TYRO3: variants seen among roughly 807,000 people sequenced by gnomAD.
TYRO3 encodes the protein tyrosine-protein kinase receptor TYRO3.
Under a neutral mutation model 95.2 loss-of-function variants are expected in TYRO3, and 38 were observed. The ratio of observed to expected loss-of-function variants is 0.40; its 90% CI spans 0.31 to 0.52. The LOEUF (loss-of-function observed/expected upper bound fraction) is 0.52, where lower values mean the gene tolerates loss of function less well. TYRO3 is among the 20% of genes least tolerant of loss of function. TYRO3 has a pLI of 0.56. For missense variants in TYRO3, 812 were observed against 1,116.4 expected (o/e 0.73, Z 3.89); for synonymous variants, 367 against 432.9 (o/e 0.85, Z 1.89).
chr15:41,560,900 G>A (rs1477676809), intron 1 of TYRO3, among the ~76,000 whole-genome samples: 1 of 152,230 alleles, frequency 6.6e-6, no homozygotes, highest in East Asian at 1.9e-4. Flanking sequence ...AGGACATGGG[G>A]AAGAGGTCCT....
chr15:41,566,465 A>G (rs1377148722), intron 6 of TYRO3, among the ~76,000 whole-genome samples: 1 of 151,960 alleles, frequency 6.6e-6, no homozygotes, highest in Non-Finnish European at 1.5e-5. Flanking sequence ...GCCACACTAT[A>G]CTATAGCTAT....
Position 41,561,218 on chromosome 15 carries a change from T to C in TYRO3, c.216T>C (p.Pro72=). ...LNCSVEGMEE[P]DIQWVKDGAV... ...GCAGTGTGGAGGGGATGGAGGAGCC[T>C]GACATCCAGTGGGTGAAGGATGGGG... Residue 72 remains proline (P), a synonymous_variant, in exon 2 of 19, where the codon CCT becomes CCC. Transcript: ENST00000263798. 5 of 1,614,188 alleles carry C rather than the reference T, an allele frequency of 3.1e-6. No homozygotes were observed. Among genetic ancestry groups the C allele is most frequent in the Non-Finnish European group, 4.2e-6 (5 of 1,180,022 alleles).
intron 1 of TYRO3, among the ~76,000 whole-genome samples, chr15:41,560,393 A>ATGTGTGTGTGTG (rs369495054): frequency 0.032 from 3,904 of 120,124 alleles, 78 homozygotes; most frequent in Non-Finnish European, 0.037. Flanking sequence ...AGGTGCGTGT[A>ATGTGTGTGTGTG]TGTGTGTGTG....
rs1189171188 is a variant in TYRO3 at position 41,571,666 on chromosome 15, C to A, written c.1732C>A (p.Pro578Thr). 1 of 1,611,632 alleles carries A rather than the reference C, an allele frequency of 6.2e-7. No individual in the cohort carries two copies. The highest frequency in any genetic ancestry group is 2.2e-5 in the East Asian group (1 of 44,820). ...AGCTTGCATGAAGGAGTTTGACCAT[C>A]CACACGTGGCCAAACTTGTTGGTGA... ...EAACMKEFDH[P>T]HVAKLVGVSL... Residue 578 changes from proline to threonine, a missense_variant, in exon 14 of 19, where the codon CCA becomes ACA. Transcript: ENST00000263798.
intron 15 of TYRO3, among the ~76,000 whole-genome samples, chr15:41,572,776 T>C (rs992707702): frequency 3.3e-5 from 5 of 152,172 alleles, no homozygotes; most frequent in African/African-American, 1.2e-4. Flanking sequence ...GCAAGGGCCC[T>C]TTCTAGAGGG....
intron 18 of TYRO3, chr15:41,574,713 G>C: frequency 4.4e-6 from 2 of 455,156 alleles, no homozygotes; most frequent in Non-Finnish European, 8.8e-6. Flanking sequence ...ACAACCTTTT[G>C]TGAGTATTTT....
intron 18 of TYRO3, among the ~76,000 whole-genome samples, chr15:41,576,669 TA>T (rs1296839035): frequency 5.5e-4 from 46 of 83,670 alleles, no homozygotes; most frequent in African/African-American, 1.2e-3. Context: ...TTTTTTTTTT[TA>T]AAAAAAAAAA....
chr15:41,568,837 C>T (rs1296183489), intron 8 of TYRO3, 41 bp from the exon 9 acceptor site: 2 of 1,597,306 alleles, frequency 1.3e-6, no homozygotes, highest in African/African-American at 2.7e-5. Context: ...GAGGCCTTCT[C>T]CCCAGGCTCA....
At chr15:41,570,835 G>A in intron 12 of TYRO3, 136 bp downstream of exon 12, 1 of 943,438 alleles carries the variant, frequency 1.1e-6, no homozygotes, top group Non-Finnish European at 1.7e-6. Context: ...CTGAGTGTGG[G>A]ATGTTTGTGG....
At position 41,561,168 on chromosome 15, in the gene TYRO3, CA is replaced by C; in HGVS notation, c.167del (p.Gln56ArgfsTer5). On this transcript the variant is annotated frameshift_variant, in exon 2 of 19. Coordinates refer to ENST00000263798, the MANE Select transcript of TYRO3 (RefSeq NM_006293.4). LOFTEE classifies it high-confidence loss of function. The part of the protein sequence containing the change: ...MGAPVKLTVS[Q>X]GQPVKLNCSV... ...AGCCCCGGTGAAGCTGACAGTGTCT[CA>C]GGGGCAGCCGGTGAAGCTCAACTGC... is the stretch of plus-strand genomic sequence containing the variant. The C allele has an allele frequency of 6.2e-7, 1 of 1,614,220 alleles. No individual in the cohort carries two copies. The highest frequency in any genetic ancestry group is 2.2e-5 in the East Asian group (1 of 44,890).
Position 41,573,735 on chromosome 15 carries a change from T to C in TYRO3, c.2202T>C (p.Ala734=), listed in dbSNP as rs1242136983. ...EIMTRGQTPY[A]GIENAEIYNY... ...TGACACGTGGGCAGACGCCATATGC[T>C]GGCATCGAAAACGCTGAGATTTACA... Residue 734 remains alanine (A), a synonymous_variant, in exon 18 of 19, where the codon GCT becomes GCC. Transcript: ENST00000263798. 1 of 1,614,268 alleles carries C rather than the reference T, an allele frequency of 6.2e-7. No homozygotes were observed. Among genetic ancestry groups the C allele is most frequent in the Non-Finnish European group, 8.5e-7 (1 of 1,180,052 alleles).
chr15:41,570,441 G>A lies in TYRO3; in HGVS notation c.1483+101G>A, dbSNP rs139310063. On this transcript the variant is annotated intron_variant, in intron 11 of 18. Transcript: ENST00000263798. ...ATTTGACTGATATGTCTGAACATCAGTGAGCCCCAGGCACACAAATCTGCC... is the reference window on the plus strand; with the variant it reads ...ATTTGACTGATATGTCTGAACATCAATGAGCCCCAGGCACACAAATCTGCC... 1.1e-5 allele frequency: 16 copies of A among 1,448,954 alleles called. No homozygotes were observed. The East Asian group carries it at 3.4e-4, about 31-fold the overall frequency. 89.8% of individuals were successfully genotyped at this position (1,448,954 alleles called of 1,614,324 possible).
chr15:41,562,646 A>C lies in TYRO3; in HGVS notation c.508A>C (p.Thr170Pro). 1 of 1,614,092 alleles carries C rather than the reference A, an allele frequency of 6.2e-7. No individual in the cohort carries two copies. Among genetic ancestry groups the C allele is most frequent in the Non-Finnish European group, 8.5e-7 (1 of 1,180,046 alleles). ...GGCTGTGGGTCCCCCTGAACCTGTTACCATTGTCTGGTGGAGAGGAACTAC... is the reference window on the plus strand; with the variant it reads ...GGCTGTGGGTCCCCCTGAACCTGTTCCCATTGTCTGGTGGAGAGGAACTAC... The part of the protein sequence containing the change: ...CEAVGPPEPV[T>P]IVWWRGTTKI... Residue 170 changes from threonine (T) to proline (P), a missense_variant, in exon 4 of 19, where the codon ACC becomes CCC. Physicochemically the swap from Thr to Pro is conservative, Grantham distance 38. Coordinates refer to ENST00000263798, the MANE Select transcript of TYRO3 (RefSeq NM_006293.4).
intron 3 of TYRO3, 51 bp downstream of exon 3, chr15:41,561,690 G>A: frequency 7.4e-7 from 1 of 1,360,096 alleles, no homozygotes; most frequent in South Asian, 1.3e-5. Flanking sequence ...CGTGCTGTCT[G>A]CTGGTGACTA....
chr15:41,573,239 G>T, intron 16 of TYRO3, 69 bp from the exon 17 acceptor site: 1 of 1,569,774 alleles, frequency 6.4e-7, no homozygotes, highest in African/African-American at 1.3e-5. Context: ...AAGATGCAAA[G>T]ATGTCCTGGC....
intron 18 of TYRO3, 101 bp from the exon 19 acceptor site, chr15:41,577,785 C>A: frequency 7.9e-7 from 1 of 1,270,232 alleles, no homozygotes; most frequent in Non-Finnish European, 1.1e-6. Context: ...TGTGCCCCAC[C>A]AGGGAATAAA....
intron 18 of TYRO3, among the ~76,000 whole-genome samples, chr15:41,574,495 C>A (rs568157695): frequency 6.6e-6 from 1 of 152,310 alleles, no homozygotes; most frequent in South Asian, 2.1e-4. Context: ...TTATTTATCC[C>A]CACTTTGTAG....
At chr15:41,570,510 C>G in intron 11 of TYRO3, 94 bp from the exon 12 acceptor site, 1 of 1,335,456 alleles carries the variant, frequency 7.5e-7, no homozygotes, top group Non-Finnish European at 1.0e-6. Flanking sequence ...CTAAGCTCAT[C>G]TCTATGCTCT....
rs1341066727 is a variant in TYRO3 at position 41,571,156 on chromosome 15, G to A, written c.1660+38G>A. ...TAGCTGTAGCCTGAGGGCATCACTT[G>A]GAAGGGTAAGAGGGGCGACTGACCC... On this transcript the variant is annotated intron_variant, in intron 13 of 18. Coordinates refer to ENST00000263798, the MANE Select transcript of TYRO3 (RefSeq NM_006293.4). 3 of 1,602,960 alleles carry A rather than the reference G, an allele frequency of 1.9e-6. No homozygotes were observed. In the Admixed American group the frequency reaches 5.0e-5, roughly 27 times the overall value.
Sources: allele counts gnomAD v4.1 joint callset (sites outside exome capture counted in the v4.1 genomes callset), GRCh38; gene constraint gnomAD v4.1.1; transcripts MANE v1.5; gene names NCBI Gene and HGNC (gene_info 2026-07-23, HGNC 2026-07-21).